The following SAMD5 variants were observed in gnomAD, a reference collection of about 807,000 sequenced individuals.
The protein encoded by SAMD5 is sterile alpha motif domain containing 5.
SAMD5 carries 13 observed loss-of-function variants against 11.3 expected under a neutral mutation model. That is an observed-to-expected ratio of 1.15 (90% CI 0.75 to 1.83). The LOEUF is 1.83. Among genes scored for constraint, SAMD5 ranks in the 40% most tolerant of loss-of-function variants. The pLI, the probability that SAMD5 is intolerant of heterozygous loss-of-function variation, is 0.00. For missense variants in SAMD5, 255 were observed against 239.1 expected (o/e 1.07, Z -0.44); for synonymous variants, 129 against 111.3 (o/e 1.16, Z -1.00).
intron 1 of SAMD5, among the ~76,000 whole-genome samples, chr6:147,546,749 G>A (rs903882220): frequency 1.3e-5 from 2 of 152,134 alleles, no homozygotes; most frequent in African/African-American, 2.4e-5. Context: ...TGAACTCTCT[G>A]AATATAATCA....
At chr6:147,867,810 C>T in the SAMD5 span, among the ~76,000 whole-genome samples, 1 of 152,108 alleles carries the variant, frequency 6.6e-6, no homozygotes, top group Non-Finnish European at 1.5e-5. Context: ...GGTCAATGTC[C>T]CAAATAGTCA....
At chr6:147,768,371 G>T in the SAMD5 span, among the ~76,000 whole-genome samples, 1 of 152,046 alleles carries the variant, frequency 6.6e-6, no homozygotes, top group Admixed American at 6.6e-5. Flanking sequence ...GGTAGCATGT[G>T]CCTGTAATCC....
At chr6:147,602,477 C>T (rs1470182754) in intron 1 of SAMD5, among the ~76,000 whole-genome samples, 1 of 152,192 alleles carries the variant, frequency 6.6e-6, no homozygotes, top group African/African-American at 2.4e-5. Flanking sequence ...GGCGTGGTGG[C>T]TCAGGCCTGT....
intron 1 of SAMD5, among the ~76,000 whole-genome samples, chr6:147,535,430 C>A (rs779063696): frequency 1.3e-5 from 2 of 152,194 alleles, no homozygotes; most frequent in Non-Finnish European, 2.9e-5. Context: ...TTTTAACCTG[C>A]ACATAATTTA....
the SAMD5 span, among the ~76,000 whole-genome samples, chr6:147,897,943 TAAAAAAAAAAAAAAAAAAAAA>T: frequency 1.1e-5 from 1 of 89,638 alleles, no homozygotes; most frequent in African/African-American, 4.3e-5. Flanking sequence ...AGATTTTTCT[TAAAAAAAAAAAAAAAAAAAAA>T]AAAAAAAAAA....
chr6:147,593,886 G>A (rs79830708), intron 1 of SAMD5, among the ~76,000 whole-genome samples: 1 of 152,152 alleles, frequency 6.6e-6, no homozygotes. Flanking sequence ...CCAGCATTTT[G>A]GGAGGCCAAG....
chr6:147,910,327 C>T, the SAMD5 span, among the ~76,000 whole-genome samples: 1,157 of 152,152 alleles, frequency 7.6e-3, 17 homozygotes, highest in African/African-American at 0.026. Context: ...TGCTTCCTGA[C>T]GTCACACCGC....
the SAMD5 span, among the ~76,000 whole-genome samples, chr6:147,923,113 G>A: frequency 2.0e-5 from 3 of 152,254 alleles, no homozygotes; most frequent in East Asian, 1.9e-4. Flanking sequence ...TGGGGTTACC[G>A]TCTGTCTCAA....
At chr6:147,808,733 T>G in the SAMD5 span, among the ~76,000 whole-genome samples, 4 of 152,220 alleles carry the variant, frequency 2.6e-5, no homozygotes, top group African/African-American at 9.6e-5. Flanking sequence ...TATTGAATCG[T>G]CATAGTTCTG....
At chr6:147,767,229 G>A in the SAMD5 span, among the ~76,000 whole-genome samples, 13 of 152,208 alleles carry the variant, frequency 8.5e-5, no homozygotes, top group Non-Finnish European at 1.2e-4. Flanking sequence ...AAAGTTTACT[G>A]AGAAGTATCT....
At chr6:147,834,311 A>G in the SAMD5 span, among the ~76,000 whole-genome samples, 1 of 152,168 alleles carries the variant, frequency 6.6e-6, no homozygotes, top group Non-Finnish European at 1.5e-5. Context: ...GTTGGGGTGC[A>G]TAGTCAGTCA....
chr6:147,946,504 G>A, the SAMD5 span, among the ~76,000 whole-genome samples: 2 of 152,268 alleles, frequency 1.3e-5, no homozygotes, highest in East Asian at 1.9e-4. Context: ...GTCACTTCCA[G>A]CTGTGTTTCA....
intron 1 of SAMD5, among the ~76,000 whole-genome samples, chr6:147,688,059 G>A (rs1419952911): frequency 6.6e-6 from 1 of 152,052 alleles, no homozygotes; most frequent in African/African-American, 2.4e-5. Context: ...ATATATGTCA[G>A]AACTTTTCAC....
At chr6:147,605,812 G>A (rs1437489140) in intron 1 of SAMD5, among the ~76,000 whole-genome samples, 1 of 152,108 alleles carries the variant, frequency 6.6e-6, no homozygotes, top group Non-Finnish European at 1.5e-5. Context: ...CTGATGATGG[G>A]CAGTGTACCT....
At chr6:147,541,789 T>C (rs558639728) in intron 1 of SAMD5, among the ~76,000 whole-genome samples, 1 of 152,272 alleles carries the variant, frequency 6.6e-6, no homozygotes, top group African/African-American at 2.4e-5. Context: ...ATTCTCCGTC[T>C]GAGAAACCTC....
chr6:147,826,062 C>T, the SAMD5 span, among the ~76,000 whole-genome samples: 14 of 152,210 alleles, frequency 9.2e-5, no homozygotes, highest in African/African-American at 3.4e-4. Flanking sequence ...CAGAACTACA[C>T]CTGCCTTATG....
chr6:147,720,144 A>G (rs1199586767), intron 1 of SAMD5, among the ~76,000 whole-genome samples: 1 of 152,134 alleles, frequency 6.6e-6, no homozygotes, highest in African/African-American at 2.4e-5. Flanking sequence ...TCTAGGTAAG[A>G]GGGGGAAAGA....
At chr6:147,925,712 G>A in the SAMD5 span, among the ~76,000 whole-genome samples, 1 of 141,460 alleles carries the variant, frequency 7.1e-6, no homozygotes, top group Non-Finnish European at 1.5e-5. Context: ...TTAAGATTCA[G>A]GAGTACATGT....
At chr6:147,534,527 C>T (rs1788478909) in intron 1 of SAMD5, among the ~76,000 whole-genome samples, 1 of 152,142 alleles carries the variant, frequency 6.6e-6, no homozygotes, top group South Asian at 2.1e-4. Context: ...TTTATTATTA[C>T]TCAAGTCAGT....
Sources: gnomAD v4.1 joint callset for allele counts (sites outside exome capture counted in the v4.1 genomes callset) on GRCh38, gnomAD v4.1.1 for gene constraint, MANE v1.5 for transcripts, NCBI Gene and HGNC (gene_info 2026-07-23, HGNC 2026-07-21) for gene names.